The following RUBCN variants were observed in gnomAD, a reference collection of about 807,000 sequenced individuals.
The protein encoded by RUBCN is run domain Beclin-1-interacting and cysteine-rich domain-containing protein.
Under a neutral mutation model 113.2 loss-of-function variants are expected in RUBCN, and 74 were observed. The observed-to-expected ratio is 0.65, with a 90% CI of 0.54 to 0.79. The LOEUF (loss-of-function observed/expected upper bound fraction) is 0.79, where lower values mean the gene tolerates loss of function less well. Among genes scored for constraint, RUBCN ranks in the 30% least tolerant of loss-of-function variants. The pLI is 0.00. For synonymous variants in RUBCN, 480 were observed against 490.0 expected, an observed-to-expected ratio of 0.98 and a Z score of 0.27; for missense variants, 1,109 against 1,251.7, an observed-to-expected ratio of 0.89 and a Z score of 1.72.
At chr3:197,741,906 CT>C (rs983979494) in intron 1 of RUBCN, among the ~76,000 whole-genome samples, 35 of 150,590 alleles carry the variant, frequency 2.3e-4, no homozygotes, top group African/African-American at 7.8e-4. Context: ...TGTGCTTTTT[CT>C]TTTTTTTTGA....
upstream of RUBCN, among the ~76,000 whole-genome samples, chr3:197,737,992 A>G (rs1387713672): frequency 6.6e-6 from 1 of 152,082 alleles, no homozygotes; most frequent in Admixed American, 6.5e-5. Context: ...GGGCTCAAGC[A>G]GTCCTCCTTC....
At chr3:197,702,460 C>T (rs1021034232) in intron 5 of RUBCN, among the ~76,000 whole-genome samples, 8 of 152,128 alleles carry the variant, frequency 5.3e-5, no homozygotes, top group African/African-American at 1.2e-4. Flanking sequence ...GTCAGGAGAT[C>T]GAGACCAGCC....
chr3:197,737,005 C>A, upstream of RUBCN: 3 of 1,137,936 alleles, frequency 2.6e-6, no homozygotes, highest in Non-Finnish European at 3.3e-6. Context: ...GCTCGCAGAC[C>A]GCGCCCCTCC....
In RUBCN at chr3:197,694,252, G is replaced by T. The variant is rs532875565; in HGVS notation, c.1684+123C>A. On this transcript the variant is annotated intron_variant, in intron 10 of 19. Transcript: ENST00000296343. ...ACTCTAGGATGAGTATTCCTAGCAT[G>T]ATAGAAAAAAAGTAGGACTACATAG... 40 of 882,214 alleles carry T rather than the reference G, an allele frequency of 4.5e-5. No individual in the cohort carries two copies. In the African/African-American group the frequency reaches 5.8e-4, roughly 13 times the overall value. The allele number at this position is 882,214 out of a possible 1,614,324, so 54.6% of individuals were successfully genotyped here. A position where few individuals can be genotyped will look rare whatever the true frequency, so the allele number is the denominator to read the frequency against.
Position 197,681,999 on chromosome 3 carries a change from T to C in RUBCN, c.2127-100A>G. The C allele has an allele frequency of 2.2e-6, 2 of 916,570 alleles. No individual in the cohort carries two copies. Among genetic ancestry groups the C allele is most frequent in the Non-Finnish European group, 3.6e-6 (2 of 557,862 alleles). 56.8% of individuals were successfully genotyped at this position (916,570 alleles called of 1,614,324 possible). On this transcript the variant is annotated intron_variant, in intron 14 of 19. Coordinates refer to ENST00000296343, the MANE Select transcript of RUBCN (RefSeq NM_014687.4). The surrounding 1 kb of genome is among the most constrained non-coding windows in gnomAD (Gnocchi z 5.5). ...ACATACATACAGCTCCAGTTAAGTATGGGAAGAGAGGGGAATTCACCTACA... is the reference window on the plus strand; with the variant it reads ...ACATACATACAGCTCCAGTTAAGTACGGGAAGAGAGGGGAATTCACCTACA...
At chr3:197,695,137 C>A (rs918900600) in intron 9 of RUBCN, among the ~76,000 whole-genome samples, 1 of 149,292 alleles carries the variant, frequency 6.7e-6, no homozygotes, top group African/African-American at 2.5e-5. Flanking sequence ...AGACCCCAGA[C>A]GCAGCGGCTC....
intron 2 of RUBCN, among the ~76,000 whole-genome samples, chr3:197,712,438 C>T (rs1214365218): frequency 1.3e-5 from 2 of 152,144 alleles, no homozygotes; most frequent in Non-Finnish European, 2.9e-5. Context: ...CTCCTCCTGA[C>T]GAGGGCACAA....
intron 1 of RUBCN, among the ~76,000 whole-genome samples, chr3:197,730,332 A>G (rs574664561): frequency 3.3e-5 from 5 of 152,286 alleles, no homozygotes; most frequent in African/African-American, 1.2e-4. Flanking sequence ...GAACAGAAAC[A>G]TAACTCAAGT....
chr3:197,737,197 C>T (rs1210696658), upstream of RUBCN: 1 of 178,062 alleles, frequency 5.6e-6, no homozygotes, highest in African/African-American at 2.4e-5. Context: ...TTATTCACCC[C>T]CGTGACATTA....
At chr3:197,690,429 A>T (rs1722300602) in intron 11 of RUBCN, among the ~76,000 whole-genome samples, 1 of 151,776 alleles carries the variant, frequency 6.6e-6, no homozygotes, top group Non-Finnish European at 1.5e-5. Flanking sequence ...CAAGAGCGAA[A>T]CTCCGTCTCA....
At chr3:197,720,801 G>T (rs1406734823) in intron 1 of RUBCN, among the ~76,000 whole-genome samples, 2 of 152,162 alleles carry the variant, frequency 1.3e-5, no homozygotes, top group Non-Finnish European at 2.9e-5. Flanking sequence ...TACACCGATT[G>T]TGTTTCCCCT....
intron 2 of RUBCN, among the ~76,000 whole-genome samples, chr3:197,709,312 C>G (rs1277683868): frequency 1.3e-5 from 2 of 151,966 alleles, no homozygotes; most frequent in Non-Finnish European, 2.9e-5. Flanking sequence ...CCACCACCAT[C>G]ACCACCACCA....
chr3:197,689,565 G>C (rs939217932), intron 11 of RUBCN, among the ~76,000 whole-genome samples: 1 of 152,098 alleles, frequency 6.6e-6, no homozygotes, highest in Non-Finnish European at 1.5e-5. Flanking sequence ...CAGTTAGAAA[G>C]GGAGTCAGGA....
At position 197,677,052 on chromosome 3, in the gene RUBCN, C is replaced by A. The variant is rs780453223; in HGVS notation, c.2493-14G>T. 3.1e-6 allele frequency: 5 copies of A among 1,612,266 alleles called. No homozygotes were observed. The highest frequency in any genetic ancestry group is 3.4e-6 in the Non-Finnish European group (4 of 1,179,524). On this transcript the variant is annotated splice_polypyrimidine_tract_variant and intron_variant, in intron 17 of 19. Transcript: ENST00000296343. Reference sequence around the variant, plus strand: ...GAATCCAGAAGCCTACAGGGAGTGACAGGAGGCAGGTGAGGGAATGAACAG... The same window carrying A: ...GAATCCAGAAGCCTACAGGGAGTGAAAGGAGGCAGGTGAGGGAATGAACAG...
intron 2 of RUBCN, among the ~76,000 whole-genome samples, chr3:197,709,102 AATAGAT>A (rs1000379920): frequency 6.6e-6 from 1 of 152,194 alleles, no homozygotes; most frequent in African/African-American, 2.4e-5. Flanking sequence ...AAGATTGTTG[AATAGAT>A]ATAAATTTAT....
chr3:197,728,683 G>A (rs552306244), intron 1 of RUBCN, among the ~76,000 whole-genome samples: 34 of 152,290 alleles, frequency 2.2e-4, no homozygotes, highest in African/African-American at 7.5e-4. Flanking sequence ...GCTTAAAGAA[G>A]CGTTATAGCG....
chr3:197,703,434 G>C, intron 5 of RUBCN, 114 bp downstream of exon 5: 4 of 212,708 alleles, frequency 1.9e-5, no homozygotes, highest in Middle Eastern at 8.9e-4. Flanking sequence ...AAAAAAAAAT[G>C]CAAGCCTTTC....
chr3:197,703,923 A>G (rs1723990819), intron 4 of RUBCN, among the ~76,000 whole-genome samples: 1 of 152,190 alleles, frequency 6.6e-6, no homozygotes, highest in Admixed American at 6.5e-5. Context: ...GATTGGAAAC[A>G]GTAGCACCAA....
At chr3:197,739,373 A>C (rs916692850), upstream of RUBCN, among the ~76,000 whole-genome samples, 2 of 143,146 alleles carry the variant, frequency 1.4e-5, no homozygotes, top group Admixed American at 7.2e-5. Flanking sequence ...CCTGGGCGAT[A>C]AGAGCAAGAC....
Sources: allele counts gnomAD v4.1 joint callset (sites outside exome capture counted in the v4.1 genomes callset), GRCh38; gene constraint gnomAD v4.1.1; non-coding constraint Gnocchi (gnomAD v3.1); transcripts MANE v1.5; gene names NCBI Gene and HGNC (gene_info 2026-07-23, HGNC 2026-07-21).